Variants in STARD13 observed in about 807,000 individuals in gnomAD.
STARD13 encodes stAR-related lipid transfer protein 13.
A neutral mutation model predicts 106.4 loss-of-function variants in STARD13; 62 were observed. The observed-to-expected ratio is 0.58, with a 90% CI of 0.48 to 0.72. STARD13 has a LOEUF of 0.72. Ranked by LOEUF, STARD13 falls within the 30% of genes least tolerant of loss-of-function variation. The probability of loss-of-function intolerance (pLI) is 0.00; values close to 1 mark genes in which losing one functional copy is unlikely to be tolerated. For missense variants in STARD13, 1,387 were observed against 1,424.0 expected, an observed-to-expected ratio of 0.97 and a Z score of 0.42; for synonymous variants, 565 against 553.0, an observed-to-expected ratio of 1.02 and a Z score of -0.31.
chr13:33,304,103 T>C (rs941351071), intron 1 of STARD13, among the ~76,000 whole-genome samples: 2 of 152,244 alleles, frequency 1.3e-5, no homozygotes, highest in African/African-American at 2.4e-5. Context: ...CTGTGTGGAC[T>C]TTCCCACGTT....
chr13:33,560,550 A>G, the STARD13 span, among the ~76,000 whole-genome samples: 2 of 151,360 alleles, frequency 1.3e-5, no homozygotes, highest in Admixed American at 1.3e-4. Context: ...GGGTCACAAT[A>G]AAGGAGCTGT....
the STARD13 span, among the ~76,000 whole-genome samples, chr13:33,577,030 A>G: frequency 1.3e-5 from 2 of 152,320 alleles, no homozygotes; most frequent in Admixed American, 1.3e-4. Context: ...TTTATTTAGG[A>G]TTTCACGTTT....
In STARD13 at chr13:33,104,986, C is replaced by T. The variant is rs913637192; in HGVS notation, c.*607G>A. On this transcript the variant is annotated 3_prime_UTR_variant, in exon 14 of 14. Coordinates refer to ENST00000336934, the MANE Select transcript of STARD13 (RefSeq NM_178006.4). The stretch of plus-strand genomic sequence containing the variant: ...GAATAGCAGAAACAAAGCGTTAACA[C>T]ATAAGTCTCCTTTAATGTTATTTTC... 2.0e-5 allele frequency: 3 copies of T among 152,948 alleles called. No individual in the cohort carries two copies. Among genetic ancestry groups the T allele is most frequent in the African/African-American group, 7.2e-5 (3 of 41,464 alleles). 9.5% of individuals were successfully genotyped at this position (152,948 alleles called of 1,614,324 possible). A position where few individuals can be genotyped will look rare whatever the true frequency, so the allele number is the denominator to read the frequency against.
At chr13:33,136,372 T>C (rs1054959793) in intron 4 of STARD13, among the ~76,000 whole-genome samples, 5 of 152,224 alleles carry the variant, frequency 3.3e-5, no homozygotes, top group African/African-American at 9.7e-5. Flanking sequence ...GGCAGTCAAA[T>C]GCCTAGGCAA....
chr13:33,550,938 C>A, the STARD13 span, among the ~76,000 whole-genome samples: 1 of 152,196 alleles, frequency 6.6e-6, no homozygotes, highest in Non-Finnish European at 1.5e-5. Flanking sequence ...TCCACTTATA[C>A]CACCATCCAG....
chr13:33,572,421 T>C, the STARD13 span, among the ~76,000 whole-genome samples: 11,598 of 152,224 alleles, frequency 0.076, 597 homozygotes, highest in East Asian at 0.28. Flanking sequence ...TCATTTTCTG[T>C]ATGTCACTTT....
the STARD13 span, among the ~76,000 whole-genome samples, chr13:33,664,173 T>C: frequency 8.5e-5 from 13 of 152,202 alleles, no homozygotes; most frequent in African/African-American, 3.1e-4. Flanking sequence ...GAAGAGACAC[T>C]CATTTCTCAA....
the STARD13 span, among the ~76,000 whole-genome samples, chr13:33,464,919 C>A: frequency 2.6e-5 from 4 of 152,044 alleles, no homozygotes; most frequent in Admixed American, 2.6e-4. Context: ...CACTGCCAGT[C>A]CGGCAGGAAA....
the STARD13 span, among the ~76,000 whole-genome samples, chr13:33,575,156 C>A: frequency 6.6e-6 from 1 of 151,804 alleles, no homozygotes; most frequent in African/African-American, 2.4e-5. Context: ...GACCTCGTAA[C>A]CTGCCTGCCT....
chr13:33,400,487 A>C, the STARD13 span, among the ~76,000 whole-genome samples: 2 of 149,918 alleles, frequency 1.3e-5, no homozygotes, highest in African/African-American at 5.0e-5. Context: ...TTTGAGACAG[A>C]GTCTTGCTCT....
chr13:33,344,820 T>C (rs1032273490), downstream of STARD13, among the ~76,000 whole-genome samples: 10 of 152,228 alleles, frequency 6.6e-5, no homozygotes, highest in Non-Finnish European at 1.5e-4. Flanking sequence ...AATATTGTTA[T>C]ATGAGTATAA....
chr13:33,185,081 T>C (rs1368328341), intron 1 of STARD13, among the ~76,000 whole-genome samples: 1 of 152,230 alleles, frequency 6.6e-6, no homozygotes, highest in Non-Finnish European at 1.5e-5. Flanking sequence ...AAGATAAATC[T>C]CATTTTCAGA....
At chr13:33,626,843 A>G in the STARD13 span, among the ~76,000 whole-genome samples, 1 of 152,390 alleles carries the variant, frequency 6.6e-6, no homozygotes, top group South Asian at 2.1e-4. Context: ...CTGTGGGTCC[A>G]TGTTGAGAAG....
chr13:33,215,884 A>G (rs1336496085), intron 1 of STARD13, among the ~76,000 whole-genome samples: 2 of 152,158 alleles, frequency 1.3e-5, no homozygotes, highest in African/African-American at 4.8e-5. Context: ...AAACAATCCC[A>G]CCAAAAAGTG....
the STARD13 span, among the ~76,000 whole-genome samples, chr13:33,496,602 G>C: frequency 6.6e-6 from 1 of 151,976 alleles, no homozygotes; most frequent in South Asian, 2.1e-4. Context: ...TGAATCACCT[G>C]TATGCATAGG....
chr13:33,582,109 C>G, the STARD13 span, among the ~76,000 whole-genome samples: 1 of 151,958 alleles, frequency 6.6e-6, no homozygotes. Context: ...GTAGTCCCAG[C>G]TACTCAGGAG....
At chr13:33,622,466 C>G in the STARD13 span, among the ~76,000 whole-genome samples, 7 of 151,806 alleles carry the variant, frequency 4.6e-5, no homozygotes, top group Non-Finnish European at 1.0e-4. Context: ...GTCGAAGCCC[C>G]GTCTCTACTA....
At chr13:33,540,443 T>C in the STARD13 span, among the ~76,000 whole-genome samples, 1 of 152,228 alleles carries the variant, frequency 6.6e-6, no homozygotes, top group African/African-American at 2.4e-5. Flanking sequence ...ATAACTGTGA[T>C]AGTGGATGCT....
chr13:33,407,677 A>G, the STARD13 span, among the ~76,000 whole-genome samples: 4 of 152,206 alleles, frequency 2.6e-5, no homozygotes, highest in Non-Finnish European at 5.9e-5. Context: ...TTGAGCTTAA[A>G]TGAATCTTGT....
Sources: allele counts gnomAD v4.1 joint callset (sites outside exome capture counted in the v4.1 genomes callset), GRCh38; gene constraint gnomAD v4.1.1; transcripts MANE v1.5; gene names NCBI Gene and HGNC (gene_info 2026-07-23, HGNC 2026-07-21).